Variants in POU2F3 observed in about 807,000 individuals in gnomAD.
POU2F3 encodes POU domain, class 2, transcription factor 3.
In POU2F3, 23 loss-of-function variants were observed where a neutral mutation model predicts 59.2. The ratio of observed to expected loss-of-function variants is 0.39; its 90% CI spans 0.28 to 0.55. The LOEUF is 0.55. Ranked by LOEUF, POU2F3 falls within the 20% of genes least tolerant of loss-of-function variation. The pLI, the probability that POU2F3 is intolerant of heterozygous loss-of-function variation, is 0.66. For missense variants in POU2F3, 473 were observed against 544.5 expected (o/e 0.87, Z 1.31); for synonymous variants, 190 against 214.6 (o/e 0.89, Z 1.00).
intron 2 of POU2F3, among the ~76,000 whole-genome samples, chr11:120,255,128 C>G (rs893254576): frequency 6.6e-5 from 10 of 152,200 alleles, no homozygotes; most frequent in African/African-American, 2.4e-4. Context: ...CCCCAGACTC[C>G]CAGTCTTCCC....
intron 2 of POU2F3, chr11:120,250,336 TC>T (rs1247190969): frequency 6.6e-6 from 1 of 152,222 alleles, no homozygotes; most frequent in East Asian, 1.9e-4. Context: ...TGGTGGCAGA[TC>T]CTGGGCTCAG....
Position 120,308,471 on chromosome 11 carries a change from AG to A in POU2F3, c.906+858del, listed in dbSNP as rs573029659. 4.2e-3 allele frequency among the ~76,000 whole-genome samples: 635 copies of A among 152,284 alleles called. 6 individuals carry two copies. Among genetic ancestry groups the A allele is most frequent in the African/African-American group, 0.014 (595 of 41,560 alleles). ...TCTTTTTAGGCTTTCTAGAGTGGCA[AG>A]GTTAAGGGAGGGTGTAGGAGTAGGG... On this transcript the variant is annotated intron_variant, in intron 9 of 12. Coordinates refer to ENST00000543440, the MANE Select transcript of POU2F3 (RefSeq NM_014352.4).
intron 3 of POU2F3, among the ~76,000 whole-genome samples, chr11:120,280,993 G>C (rs1940545742): frequency 6.6e-6 from 1 of 152,204 alleles, no homozygotes; most frequent in Non-Finnish European, 1.5e-5. Context: ...GCGGGCCCTG[G>C]CTTTCTCTTT....
chr11:120,303,408 A>T (rs1941402063), intron 6 of POU2F3: 1 of 152,188 alleles, frequency 6.6e-6, no homozygotes, highest in Admixed American at 6.5e-5. Flanking sequence ...AAGATCATCC[A>T]GGGGAGGGGT....
At chr11:120,304,938 T>G (rs1004210622) in intron 6 of POU2F3, 92 bp from the exon 7 acceptor site, 9 of 794,554 alleles carry the variant, frequency 1.1e-5, no homozygotes, top group Admixed American at 3.8e-5. Context: ...AGTGGGCCTA[T>G]TAGTAAAAAA....
intron 2 of POU2F3, among the ~76,000 whole-genome samples, chr11:120,255,287 C>T (rs773825598): frequency 5.3e-5 from 8 of 152,202 alleles, no homozygotes; most frequent in Non-Finnish European, 7.3e-5. Context: ...GCTGGGGACA[C>T]TCCACCTGCC....
intron 10 of POU2F3, among the ~76,000 whole-genome samples, chr11:120,313,011 C>A (rs1244066743): frequency 6.6e-6 from 1 of 152,020 alleles, no homozygotes. Context: ...GCACAGAAGG[C>A]CAGAACGGGC....
chr11:120,279,100 G>A (rs1940454131), intron 3 of POU2F3, among the ~76,000 whole-genome samples: 1 of 152,022 alleles, frequency 6.6e-6, no homozygotes, highest in African/African-American at 2.4e-5. Flanking sequence ...GCACTGAGAG[G>A]TTAGGGAATT....
chr11:120,264,740 C>G (rs1038057880), intron 2 of POU2F3, among the ~76,000 whole-genome samples: 1 of 152,182 alleles, frequency 6.6e-6, no homozygotes, highest in African/African-American at 2.4e-5. Flanking sequence ...TGACCAAGTT[C>G]ACATAGCTTG....
At chr11:120,257,140 A>C (rs893650350) in intron 2 of POU2F3, 2 of 152,212 alleles carry the variant, frequency 1.3e-5, no homozygotes, top group Non-Finnish European at 2.9e-5. Flanking sequence ...TATTATTTGA[A>C]AACAGTGTTC....
Position 120,315,406 on chromosome 11 carries a change from C to T in POU2F3, c.1114C>T (p.His372Tyr). Residue 372 changes from histidine (H) to tyrosine (Y), a missense_variant, in exon 11 of 13, where the codon CAC (histidine) becomes TAC (tyrosine). By Grantham distance (83) the His-to-Tyr change is moderately conservative (BLOSUM62 2). Coordinates refer to ENST00000543440, the MANE Select transcript of POU2F3 (RefSeq NM_014352.4). Reference protein sequence around the residue: ...SLGPLSVPPVHSTMPGTVTSS... With the variant: ...SLGPLSVPPVYSTMPGTVTSS... ...GGGCCCCCTCTCTGTCCCTCCTGTC[C>T]ACAGTACCATGCCTGGAACAGGTGA... 2 of 1,613,566 alleles carry T rather than the reference C, an allele frequency of 1.2e-6. No individual in the cohort carries two copies. Among genetic ancestry groups the T allele is most frequent in the Non-Finnish European group, 1.7e-6 (2 of 1,179,498 alleles).
rs201367825 is a variant in POU2F3 at position 120,257,343 on chromosome 11, GC to G, written c.97+10827del. Among the ~76,000 whole-genome samples the G allele has an allele frequency of 9.6e-3, 1,456 of 152,012 alleles. 13 individuals are homozygous for G. The highest frequency in any genetic ancestry group is 0.034 in the Middle Eastern group (10 of 294). ...CTTTGCTTTGGTTTTGTTCCTTTCT[GC>G]TATTTTGTTCTTTCCTTGGACAGAG... On this transcript the variant is annotated intron_variant, in intron 2 of 12. Transcript: ENST00000543440.
intron 2 of POU2F3, chr11:120,256,150 A>G (rs1939336205): frequency 6.6e-6 from 1 of 152,134 alleles, no homozygotes; most frequent in African/African-American, 2.4e-5. Flanking sequence ...ATCAGTTAGT[A>G]TTTGTAAGGC....
At chr11:120,251,361 T>C (rs1939090664) in intron 2 of POU2F3, among the ~76,000 whole-genome samples, 1 of 152,262 alleles carries the variant, frequency 6.6e-6, no homozygotes. Context: ...CTTTTTATGA[T>C]TAAATGACAG....
At chr11:120,292,510 A>G (rs1941058221) in intron 3 of POU2F3, among the ~76,000 whole-genome samples, 1 of 152,118 alleles carries the variant, frequency 6.6e-6, no homozygotes, top group Non-Finnish European at 1.5e-5. Context: ...TCCTTCTGCC[A>G]TTTCACTTAT....
chr11:120,304,093 G>A (rs538408032), intron 6 of POU2F3: 9 of 152,282 alleles, frequency 5.9e-5, no homozygotes, highest in African/African-American at 2.2e-4. Flanking sequence ...CAGCACTTTG[G>A]GAGGCCAAAG....
chr11:120,299,824 C>A lies in POU2F3; in HGVS notation c.361+98C>A, dbSNP rs1001814515. Reference sequence around the variant, plus strand: ...TGAGGGGGCCTAATTGGAGAGCATGCGTCAGTCAGTCACCCATCTGCTATT... The same window carrying A: ...TGAGGGGGCCTAATTGGAGAGCATGAGTCAGTCAGTCACCCATCTGCTATT... On this transcript the variant is annotated intron_variant, in intron 5 of 12. Transcript: ENST00000543440. 1.0e-5 allele frequency: 10 copies of A among 994,692 alleles called. No individual in the cohort carries two copies. The Admixed American group carries it at 1.1e-4, about 11-fold the overall frequency. 61.6% of individuals were successfully genotyped at this position (994,692 alleles called of 1,614,324 possible). A position where few individuals can be genotyped will look rare whatever the true frequency, so the allele number is the denominator to read the frequency against.
intron 11 of POU2F3, 55 bp downstream of exon 11, chr11:120,315,482 A>G (rs1941761098): frequency 6.6e-7 from 1 of 1,509,402 alleles, no homozygotes; most frequent in South Asian, 1.1e-5. Context: ...AAAAAATGGG[A>G]TATTAGAACT....
intron 8 of POU2F3, among the ~76,000 whole-genome samples, chr11:120,306,820 C>T (rs937987309): frequency 1.3e-5 from 2 of 152,164 alleles, no homozygotes; most frequent in African/African-American, 4.8e-5. Context: ...ACAGGCTGTC[C>T]CTTAGACAGC....
Sources: allele counts gnomAD v4.1 joint callset (sites outside exome capture counted in the v4.1 genomes callset), GRCh38; gene constraint gnomAD v4.1.1; transcripts MANE v1.5; gene names NCBI Gene and HGNC (gene_info 2026-07-23, HGNC 2026-07-21).